Variants in SORBS2 observed in about 807,000 individuals in gnomAD.
SORBS2 encodes sorbin and SH3 domain containing 2, also known as sorbin and SH3 domain-containing protein 2.
A neutral mutation model predicts 97.7 loss-of-function variants in SORBS2; 46 were observed. The observed-to-expected ratio is 0.47, with a 90% CI of 0.37 to 0.60. The LOEUF (loss-of-function observed/expected upper bound fraction) is 0.60. SORBS2 is among the 20% of genes least tolerant of loss of function. The pLI is 0.00. For missense variants in SORBS2, 1,316 were observed against 1,282.3 expected, an observed-to-expected ratio of 1.03 and a Z score of -0.40; for synonymous variants, 476 against 473.4, an observed-to-expected ratio of 1.01 and a Z score of -0.07.
At chr4:185,777,376 A>G (rs1223972032) in intron 1 of SORBS2, among the ~76,000 whole-genome samples, 1 of 152,186 alleles carries the variant, frequency 6.6e-6, no homozygotes. Flanking sequence ...TCTACTGGTA[A>G]TAATTGGAAG....
At chr4:185,818,315 G>A (rs1355965272) in intron 1 of SORBS2, among the ~76,000 whole-genome samples, 1 of 151,920 alleles carries the variant, frequency 6.6e-6, no homozygotes, top group Non-Finnish European at 1.5e-5. Flanking sequence ...TCAGCCTCCC[G>A]AGTAGCTGGG....
intron 13 of SORBS2, chr4:185,593,219 T>TAAC (rs759500639): frequency 3.3e-5 from 5 of 152,374 alleles, no homozygotes; most frequent in African/African-American, 7.2e-5. Context: ...AGGAAGCTGA[T>TAAC]AACTCCTGAA....
At chr4:185,932,810 A>G (rs2099267121) in intron 1 of SORBS2, 1 of 152,250 alleles carries the variant, frequency 6.6e-6, no homozygotes, top group Non-Finnish European at 1.5e-5. Context: ...AGCTTTTCCT[A>G]GCAGCTAAAA....
At chr4:185,730,795 G>A (rs988240292) in intron 2 of SORBS2, among the ~76,000 whole-genome samples, 7 of 152,224 alleles carry the variant, frequency 4.6e-5, no homozygotes, top group Admixed American at 2.0e-4. Context: ...TGTGCCTTTG[G>A]AGCTGGACAT....
chr4:185,910,250 G>T (rs1328784602), intron 1 of SORBS2, among the ~76,000 whole-genome samples: 1 of 152,076 alleles, frequency 6.6e-6, no homozygotes, highest in Non-Finnish European at 1.5e-5. Flanking sequence ...AAAATGCTAT[G>T]GTTCCCACTG....
At chr4:185,789,092 G>A (rs562672376) in intron 1 of SORBS2, among the ~76,000 whole-genome samples, 1 of 152,190 alleles carries the variant, frequency 6.6e-6, no homozygotes, top group South Asian at 2.1e-4. Context: ...TCTTTGGGGC[G>A]TTTGACTTAC....
At chr4:185,588,959 G>A (rs1011745415) in intron 14 of SORBS2, among the ~76,000 whole-genome samples, 21 of 152,040 alleles carry the variant, frequency 1.4e-4, no homozygotes, top group African/African-American at 4.6e-4. Context: ...GCTTGTGGCC[G>A]CACCAGGGCC....
At chr4:185,830,871 C>T (rs372176637) in intron 1 of SORBS2, among the ~76,000 whole-genome samples, 46 of 152,294 alleles carry the variant, frequency 3.0e-4, no homozygotes, top group African/African-American at 9.1e-4. Context: ...ATTTTTCTCA[C>T]GGCCTCTGTT....
intron 3 of SORBS2, among the ~76,000 whole-genome samples, chr4:185,648,185 C>A (rs913539622): frequency 2.6e-5 from 4 of 151,826 alleles, no homozygotes; most frequent in Admixed American, 1.3e-4. Context: ...CAGTCTTGAA[C>A]CTCTGGCCTC....
intron 1 of SORBS2, among the ~76,000 whole-genome samples, chr4:185,928,099 G>A (rs1018759379): frequency 9.2e-5 from 13 of 140,990 alleles, no homozygotes; most frequent in Non-Finnish European, 1.9e-4. Flanking sequence ...AGGGCAAGAA[G>A]AAGCATAGAA....
chr4:185,911,661 G>A (rs991533453), intron 1 of SORBS2, among the ~76,000 whole-genome samples: 4 of 152,160 alleles, frequency 2.6e-5, no homozygotes, highest in East Asian at 1.9e-4. Flanking sequence ...TTGCTGTCAC[G>A]TTGGCCAGGT....
chr4:185,904,874 G>A (rs1210401244), intron 1 of SORBS2, among the ~76,000 whole-genome samples: 1 of 152,186 alleles, frequency 6.6e-6, no homozygotes, highest in Non-Finnish European at 1.5e-5. Context: ...GGAGGCTGAG[G>A]CAGGTGGATC....
chr4:185,866,259 C>G (rs779858095), intron 1 of SORBS2, among the ~76,000 whole-genome samples: 2 of 152,172 alleles, frequency 1.3e-5, no homozygotes, highest in Non-Finnish European at 1.5e-5. Flanking sequence ...TCTCAGCAAA[C>G]AAACCAAGCG....
At chr4:185,689,863 T>A in intron 2 of SORBS2, among the ~76,000 whole-genome samples, 1 of 152,246 alleles carries the variant, frequency 6.6e-6, no homozygotes, top group Non-Finnish European at 1.5e-5. Flanking sequence ...AAACACAAGT[T>A]ACAAAATTTC....
intron 2 of SORBS2, among the ~76,000 whole-genome samples, chr4:185,749,514 T>C (rs1349399437): frequency 1.3e-5 from 2 of 152,214 alleles, no homozygotes; most frequent in Non-Finnish European, 2.9e-5. Context: ...AATTAATCAA[T>C]CACACAGACC....
At chr4:185,771,957 T>C (rs908537826) in intron 2 of SORBS2, 1 of 152,186 alleles carries the variant, frequency 6.6e-6, no homozygotes, top group Non-Finnish European at 1.5e-5. Context: ...CATATTTTCA[T>C]TGGAGATTAT....
chr4:185,692,082 C>T (rs911953925), intron 2 of SORBS2, among the ~76,000 whole-genome samples: 3 of 152,206 alleles, frequency 2.0e-5, no homozygotes, highest in African/African-American at 4.8e-5. Context: ...GGCATATTCT[C>T]TTAGCCCATT....
chr4:185,654,717 T>G (rs1346787004), intron 1 of SORBS2, among the ~76,000 whole-genome samples: 1 of 152,222 alleles, frequency 6.6e-6, no homozygotes, highest in Non-Finnish European at 1.5e-5. Context: ...AGGCTGAGAA[T>G]AAGAAAATAG....
At chr4:185,726,572 A>T (rs897443189) in intron 2 of SORBS2, among the ~76,000 whole-genome samples, 8 of 151,800 alleles carry the variant, frequency 5.3e-5, no homozygotes, top group African/African-American at 1.9e-4. Context: ...GCTAACAAAC[A>T]ATAGTTCTGG....
Sources: allele counts gnomAD v4.1 joint callset (sites outside exome capture counted in the v4.1 genomes callset), GRCh38; gene constraint gnomAD v4.1.1; transcripts MANE v1.5; gene names NCBI Gene and HGNC (gene_info 2026-07-23, HGNC 2026-07-21).